The following BCAS3 variants were observed in gnomAD, a reference collection of about 807,000 sequenced individuals.
The protein encoded by BCAS3 is BCAS4/BCAS3 fusion.
BCAS3 carries 53 observed loss-of-function variants against 116.1 expected under a neutral mutation model. The ratio of observed to expected loss-of-function variants is 0.46; its 90% CI spans 0.37 to 0.57. The LOEUF (loss-of-function observed/expected upper bound fraction) is 0.57. BCAS3 is among the 20% of genes least tolerant of loss of function. The pLI is 0.00. For missense variants in BCAS3, 917 were observed against 1,165.4 expected (o/e 0.79, Z 3.10); for synonymous variants, 391 against 408.2 (o/e 0.96, Z 0.51).
rs957468577 is a variant in BCAS3, at chr17:61,241,887, T to A, written c.2426-126440T>A. On this transcript the variant is annotated intron_variant, in intron 22 of 23. Coordinates refer to ENST00000407086, the MANE Select transcript of BCAS3 (RefSeq NM_017679.5). The surrounding 1 kb of genome is among the most constrained non-coding windows in gnomAD (Gnocchi z 4.6). ...CTTTCATAATAGTATAATATTCAGG[T>A]TTTTTCTTGTTTGTTTGTTGTTTAC... is the stretch of plus-strand genomic sequence containing the variant. Among the ~76,000 whole-genome samples the A allele has an allele frequency of 1.3e-5, 2 of 152,116 alleles. No individual in the cohort carries two copies. Among genetic ancestry groups the A allele is most frequent in the African/African-American group, 2.4e-5 (1 of 41,428 alleles).
In BCAS3 at chr17:61,217,549, T is replaced by C. The variant is rs1328296030; in HGVS notation, c.2425+132985T>C. Among the ~76,000 whole-genome samples, 2 of 152,056 alleles carry C rather than the reference T, an allele frequency of 1.3e-5. No homozygotes were observed. The highest frequency in any genetic ancestry group is 1.3e-4 in the Admixed American group (2 of 15,268). On this transcript the variant is annotated intron_variant, in intron 22 of 23. Transcript: ENST00000407086. The surrounding 1 kb of genome is among the most constrained non-coding windows in gnomAD (Gnocchi z 5.2). ...AACAGGAACTAAGAGCAGAAATGCT[T>C]TCCCCCACCCACCTCCCCTCATGGT...
chr17:60,998,068 C>T (rs964026602), intron 15 of BCAS3, among the ~76,000 whole-genome samples: 2 of 152,166 alleles, frequency 1.3e-5, no homozygotes, highest in Non-Finnish European at 2.9e-5. Flanking sequence ...CAATGTTTAG[C>T]TCCCACTTAT....
intron 22 of BCAS3, among the ~76,000 whole-genome samples, chr17:61,298,727 T>C (rs1050048808): frequency 6.6e-6 from 1 of 151,704 alleles, no homozygotes; most frequent in Non-Finnish European, 1.5e-5. Flanking sequence ...CACCCTTCTC[T>C]GGCAACAGAG....
At position 61,227,892 on chromosome 17, in the gene BCAS3, A is replaced by T. The variant is rs752274978; in HGVS notation, c.2426-140435A>T. Among the ~76,000 whole-genome samples, 4 of 152,190 alleles carry T rather than the reference A, an allele frequency of 2.6e-5. No homozygotes were observed. Among genetic ancestry groups the T allele is most frequent in the Non-Finnish European group, 5.9e-5 (4 of 68,034 alleles). ...GCCTCTCTAAAGGGAAGAATAGGTG[A>T]TGCAGTGGGGTTGGCAGCACTTTTC... On this transcript the variant is annotated intron_variant, in intron 22 of 23. Coordinates refer to ENST00000407086, the MANE Select transcript of BCAS3 (RefSeq NM_017679.5). This position sits in a 1 kb window ranked among gnomAD's most constrained non-coding sequence, Gnocchi z 6.1.
chr17:60,705,005 A>G (rs188744201), intron 4 of BCAS3, among the ~76,000 whole-genome samples: 1 of 152,158 alleles, frequency 6.6e-6, no homozygotes, highest in Non-Finnish European at 1.5e-5. Context: ...TTTAAGGCTC[A>G]CCACACATGA....
intron 22 of BCAS3, among the ~76,000 whole-genome samples, chr17:61,119,065 G>T (rs1422066906): frequency 6.6e-6 from 1 of 152,180 alleles, no homozygotes; most frequent in African/African-American, 2.4e-5. Flanking sequence ...ACAGTTAAGT[G>T]ATGCGGAAGC....
rs368860807 is a variant in BCAS3 at position 60,766,027 on chromosome 17, C to T, written c.403+18748C>T. On this transcript the variant is annotated intron_variant, in intron 6 of 23. Transcript: ENST00000407086. ...CACGTAGTTCTCGTGCCATGGTTTT[C>T]AGCTCCATCAGGTCATTTAAGGTCT... Among the ~76,000 whole-genome samples the T allele has an allele frequency of 7.9e-5, 12 of 152,260 alleles. No homozygotes were observed. The East Asian group carries it at 2.1e-3, about 27-fold the overall frequency.
intron 14 of BCAS3, chr17:60,980,581 A>G (rs2062744282): frequency 1.4e-5 from 2 of 145,954 alleles, no homozygotes; most frequent in African/African-American, 5.2e-5. Context: ...CTCCCAGGGT[A>G]AAATGCAGTG....
In BCAS3 at chr17:61,215,709, C is replaced by T. The variant is rs1460268942; in HGVS notation, c.2425+131145C>T. On this transcript the variant is annotated intron_variant, in intron 22 of 23. Coordinates refer to ENST00000407086, the MANE Select transcript of BCAS3 (RefSeq NM_017679.5). This position sits in a 1 kb window ranked among gnomAD's most constrained non-coding sequence, Gnocchi z 4.8. Reference sequence around the variant, plus strand: ...CATTTACCTCCTTAATTTGCTAACCCCTCAGTTCTTGATATCCAGGCTCCA... The same window carrying T: ...CATTTACCTCCTTAATTTGCTAACCTCTCAGTTCTTGATATCCAGGCTCCA... Among the ~76,000 whole-genome samples the T allele has an allele frequency of 6.6e-6, 1 of 152,172 alleles. No homozygotes were observed. Among genetic ancestry groups the T allele is most frequent in the African/African-American group, 2.4e-5 (1 of 41,436 alleles).
rs151089810 is a variant in BCAS3 at position 60,874,622 on chromosome 17, A to G, written c.585-40A>G. ...ATTCCACTTACAGAATTTCACATTCACTTTTTTTCTTTCTGTTTTTTTTCT... is the reference window on the plus strand; with the variant it reads ...ATTCCACTTACAGAATTTCACATTCGCTTTTTTTCTTTCTGTTTTTTTTCT... On this transcript the variant is annotated intron_variant, in intron 8 of 23. Coordinates refer to ENST00000407086, the MANE Select transcript of BCAS3 (RefSeq NM_017679.5). 994 of 1,422,122 alleles carry G rather than the reference A, an allele frequency of 7.0e-4. 23 individuals carry two copies. The East Asian group carries it at 0.015, about 22-fold the overall frequency. The allele number at this position is 1,422,122 out of a possible 1,614,324, so 88.1% of individuals were successfully genotyped here.
At chr17:60,770,400 C>CTTTTTTTTTTT (rs35691381) in intron 6 of BCAS3, among the ~76,000 whole-genome samples, 1 of 76,902 alleles carries the variant, frequency 1.3e-5, no homozygotes, top group African/African-American at 3.7e-5. Flanking sequence ...AGTGTTCCCT[C>CTTTTTTTTTTT]TTTTTTTTTT....
At chr17:61,002,265 T>C (rs1299579192) in intron 15 of BCAS3, among the ~76,000 whole-genome samples, 25 of 152,180 alleles carry the variant, frequency 1.6e-4, no homozygotes. Flanking sequence ...ACATTTCTTT[T>C]CTCTGTAAGT....
chr17:60,894,317 T>C (rs2057372706), intron 10 of BCAS3, among the ~76,000 whole-genome samples: 1 of 152,084 alleles, frequency 6.6e-6, no homozygotes, highest in Non-Finnish European at 1.5e-5. Context: ...TTTCTTCTTA[T>C]ATATATATTT....
At chr17:61,345,492 A>T (rs1387330011) in intron 22 of BCAS3, among the ~76,000 whole-genome samples, 1 of 152,110 alleles carries the variant, frequency 6.6e-6, no homozygotes, top group East Asian at 1.9e-4. Context: ...CCGGGAACCC[A>T]TGGAAAAATG....
At chr17:61,045,931 TAA>T (rs1355934439) in intron 19 of BCAS3, among the ~76,000 whole-genome samples, 27 of 18,064 alleles carry the variant, frequency 1.5e-3, no homozygotes, top group South Asian at 1.7e-3. Context: ...ATAATATATA[TAA>T]ATATATATAT....
intron 6 of BCAS3, among the ~76,000 whole-genome samples, chr17:60,779,533 C>T (rs1009056567): frequency 8.7e-5 from 13 of 150,032 alleles, no homozygotes; most frequent in Non-Finnish European, 1.9e-4. Context: ...CAACGCCTAG[C>T]TAATTTTGTA....
At chr17:61,247,662 C>T (rs1380389174) in intron 22 of BCAS3, among the ~76,000 whole-genome samples, 1 of 152,186 alleles carries the variant, frequency 6.6e-6, no homozygotes. Context: ...CTCTTGACTA[C>T]AGCAGATGTT....
intron 22 of BCAS3, among the ~76,000 whole-genome samples, chr17:61,153,892 A>G (rs961386394): frequency 9.8e-5 from 15 of 152,316 alleles, no homozygotes; most frequent in Non-Finnish European, 1.6e-4. Flanking sequence ...ACGAATTAAC[A>G]ACCAACCAAC....
chr17:61,086,090 T>A (rs549544902), intron 22 of BCAS3, among the ~76,000 whole-genome samples: 1 of 152,198 alleles, frequency 6.6e-6, no homozygotes, highest in South Asian at 2.1e-4. Flanking sequence ...ATATATATAT[T>A]TATTTTTTAT....
Sources: allele counts gnomAD v4.1 joint callset (sites outside exome capture counted in the v4.1 genomes callset), GRCh38; gene constraint gnomAD v4.1.1; non-coding constraint Gnocchi (gnomAD v3.1); transcripts MANE v1.5; gene names NCBI Gene and HGNC (gene_info 2026-07-23, HGNC 2026-07-21).